The following NUAK1 variants were observed in gnomAD, a reference collection of about 807,000 sequenced individuals.
The protein encoded by NUAK1 is NUAK family kinase 1.
Under a neutral mutation model 56.9 loss-of-function variants are expected in NUAK1, and 26 were observed. That is an observed-to-expected ratio of 0.46 (90% confidence interval 0.33 to 0.63). The LOEUF (loss-of-function observed/expected upper bound fraction) is 0.63. Ranked by LOEUF, NUAK1 falls within the 30% of genes least tolerant of loss-of-function variation. The pLI, the probability that NUAK1 is intolerant of heterozygous loss-of-function variation, is 0.02. For synonymous variants in NUAK1, 337 were observed against 336.0 expected (o/e 1.00, Z -0.03); for missense variants, 727 against 876.1 (o/e 0.83, Z 2.15).
chr12:106,086,099 A>G (rs2032568054), intron 3 of NUAK1, among the ~76,000 whole-genome samples: 1 of 151,200 alleles, frequency 6.6e-6, no homozygotes, highest in African/African-American at 2.5e-5. Flanking sequence ...TAGTAATTCT[A>G]CTTCTGGAAT....
intron 2 of NUAK1, among the ~76,000 whole-genome samples, chr12:106,092,763 G>C (rs2032649311): frequency 6.6e-6 from 1 of 152,046 alleles, no homozygotes; most frequent in Admixed American, 6.6e-5. Context: ...ACGCATTTTT[G>C]TTGGGTAGAT....
At chr12:106,135,771 T>C (rs949160295) in intron 1 of NUAK1, among the ~76,000 whole-genome samples, 6 of 152,200 alleles carry the variant, frequency 3.9e-5, no homozygotes, top group Admixed American at 3.9e-4. Flanking sequence ...AACTGCACCT[T>C]CAAAGCATGT....
intron 3 of NUAK1, among the ~76,000 whole-genome samples, chr12:106,085,241 T>C (rs2032559198): frequency 6.6e-6 from 1 of 152,256 alleles, no homozygotes; most frequent in South Asian, 2.1e-4. Flanking sequence ...GTTCACACAC[T>C]TCCAATATCA....
Position 106,083,213 on chromosome 12 carries a change from G to T in NUAK1, c.579+651C>A, listed in dbSNP as rs144194007. On this transcript the variant is annotated intron_variant, in intron 4 of 6. Transcript: ENST00000261402. ...TTCCCAGGTCTATGGCTGGTTTCAG[G>T]GGTGGGAAGGTGGAGAGGGAGAAGT... Among the ~76,000 whole-genome samples, 9 of 152,292 alleles carry T rather than the reference G, an allele frequency of 5.9e-5. No homozygotes were observed. The East Asian group carries it at 1.5e-3, about 26-fold the overall frequency.
chr12:106,092,751 G>C lies in NUAK1; in HGVS notation c.362-5866C>G, dbSNP rs565940829. ...TGTGCATGTCTTTTGATGCACATCT[G>C]TACGCATTTTTGTTGGGTAGATACC... On this transcript the variant is annotated intron_variant, in intron 2 of 6. Transcript: ENST00000261402. Among the ~76,000 whole-genome samples the C allele has an allele frequency of 5.3e-5, 8 of 152,212 alleles. No homozygotes were observed. In the East Asian group the frequency reaches 1.4e-3, roughly 26 times the overall value.
chr12:106,123,391 T>C (rs1422145910), intron 1 of NUAK1, among the ~76,000 whole-genome samples: 1 of 152,332 alleles, frequency 6.6e-6, no homozygotes. Context: ...ATGGGGCTAC[T>C]GGGCACTTGA....
intron 1 of NUAK1, among the ~76,000 whole-genome samples, chr12:106,126,835 A>C (rs2033029776): frequency 6.6e-6 from 1 of 152,140 alleles, no homozygotes; most frequent in South Asian, 2.1e-4. Context: ...CCTTGGGAAG[A>C]ATAAGTGGTG....
At chr12:106,134,441 C>T (rs149315938) in intron 1 of NUAK1, among the ~76,000 whole-genome samples, 2 of 152,340 alleles carry the variant, frequency 1.3e-5, no homozygotes, top group Admixed American at 6.5e-5. Context: ...CAAGCTAATG[C>T]TCTAGTGGCC....
At chr12:106,124,057 T>G (rs1178178433) in intron 1 of NUAK1, among the ~76,000 whole-genome samples, 1 of 152,210 alleles carries the variant, frequency 6.6e-6, no homozygotes, top group African/African-American at 2.4e-5. Context: ...AATTTTTTCC[T>G]TCATGAGCTG....
At chr12:106,125,563 A>C (rs1307101689) in intron 1 of NUAK1, among the ~76,000 whole-genome samples, 2 of 152,216 alleles carry the variant, frequency 1.3e-5, no homozygotes, top group African/African-American at 4.8e-5. Context: ...AAATAGTTAG[A>C]ATAGTGCCTG....
At chr12:106,084,932 C>G (rs931858906) in intron 3 of NUAK1, among the ~76,000 whole-genome samples, 2 of 152,164 alleles carry the variant, frequency 1.3e-5, no homozygotes, top group Non-Finnish European at 2.9e-5. Context: ...ATGGGTGGTT[C>G]TTTCTTGTTT....
chr12:106,095,268 T>C (rs1207027279), intron 2 of NUAK1, among the ~76,000 whole-genome samples: 4 of 152,220 alleles, frequency 2.6e-5, no homozygotes, highest in Non-Finnish European at 5.9e-5. Context: ...CAAGGGTTCT[T>C]GTACTTGATG....
At chr12:106,130,830 C>T (rs1296746357) in intron 1 of NUAK1, among the ~76,000 whole-genome samples, 1 of 152,226 alleles carries the variant, frequency 6.6e-6, no homozygotes, top group Non-Finnish European at 1.5e-5. Flanking sequence ...TGTGTACCTA[C>T]TGTGTGCCAG....
chr12:106,103,433 A>G (rs1428771868), intron 2 of NUAK1: 1 of 148,880 alleles, frequency 6.7e-6, no homozygotes, highest in Non-Finnish European at 1.5e-5. Flanking sequence ...CCACTTCCAC[A>G]TTGTGTCTTT....
chr12:106,136,773 G>T (rs952432383), intron 1 of NUAK1, among the ~76,000 whole-genome samples: 4 of 152,198 alleles, frequency 2.6e-5, no homozygotes, highest in African/African-American at 9.7e-5. Context: ...GACAACATGA[G>T]CAGGGATCTA....
chr12:106,072,623 T>C (rs1295986063), intron 5 of NUAK1, 101 bp downstream of exon 5: 1 of 1,341,190 alleles, frequency 7.5e-7, no homozygotes, highest in South Asian at 1.4e-5. Flanking sequence ...CTGGCTTTTT[T>C]AGGCTCTGTT....
chr12:106,084,036 A>G (rs576617936), intron 3 of NUAK1, 107 bp from the exon 4 acceptor site: 1 of 953,672 alleles, frequency 1.0e-6, no homozygotes, highest in South Asian at 1.4e-5. Context: ...GACAGATTAA[A>G]GAAATGCACC....
At position 106,091,033 on chromosome 12, in the gene NUAK1, G is replaced by A. The variant is rs555333763; in HGVS notation, c.362-4148C>T. On this transcript the variant is annotated intron_variant, in intron 2 of 6. Transcript: ENST00000261402. ...CAACGCTCCTTTGCCCGTGCTTAAG[G>A]TCACTATCTACAAGGTGACAGGGAT... Among the ~76,000 whole-genome samples, 4 of 152,274 alleles carry A rather than the reference G, an allele frequency of 2.6e-5. No individual in the cohort carries two copies. In the South Asian group the frequency reaches 8.3e-4, roughly 32 times the overall value.
chr12:106,132,171 T>C (rs1225337699), intron 1 of NUAK1, among the ~76,000 whole-genome samples: 1 of 152,190 alleles, frequency 6.6e-6, no homozygotes, highest in Non-Finnish European at 1.5e-5. Context: ...AGAAGGGGAA[T>C]TCGTGCAGAA....
Sources: gnomAD v4.1 joint callset for allele counts (sites outside exome capture counted in the v4.1 genomes callset) on GRCh38, gnomAD v4.1.1 for gene constraint, MANE v1.5 for transcripts, NCBI Gene and HGNC (gene_info 2026-07-23, HGNC 2026-07-21) for gene names.